The following TTC6 variants were observed in gnomAD, a reference collection of about 807,000 sequenced individuals.
TTC6 encodes tetratricopeptide repeat protein 6.
TTC6 carries 172 observed loss-of-function variants against 210.4 expected under a neutral mutation model. That is an observed-to-expected ratio of 0.82 (90% CI 0.72 to 0.93). The LOEUF (loss-of-function observed/expected upper bound fraction) is 0.93. Ranked by LOEUF, TTC6 falls within the 40% of genes least tolerant of loss-of-function variation. The probability of loss-of-function intolerance (pLI) is 0.00; values close to 1 mark genes in which losing one functional copy is unlikely to be tolerated. For missense variants in TTC6, 2,414 were observed against 2,318.1 expected, an observed-to-expected ratio of 1.04 and a Z score of -0.85; for synonymous variants, 804 against 819.6, an observed-to-expected ratio of 0.98 and a Z score of 0.32.
intron 21 of TTC6, among the ~76,000 whole-genome samples, chr14:37,805,740 C>T (rs1052756823): frequency 2.0e-5 from 3 of 151,978 alleles, no homozygotes; most frequent in East Asian, 1.9e-4. Flanking sequence ...TTCGCTCTGT[C>T]GCCAGGGTGG....
At chr14:37,809,354 G>A (rs2096125107) in intron 24 of TTC6, among the ~76,000 whole-genome samples, 1 of 146,762 alleles carries the variant, frequency 6.8e-6, no homozygotes, top group Non-Finnish European at 1.5e-5. Flanking sequence ...CCGGGTTCAC[G>A]CCATTCTCCC....
chr14:37,736,309 C>T (rs2095901500), intron 8 of TTC6, among the ~76,000 whole-genome samples: 1 of 151,990 alleles, frequency 6.6e-6, no homozygotes, highest in Admixed American at 6.6e-5. Flanking sequence ...ATGGTTTGAG[C>T]CCAGGAGATC....
At chr14:37,695,063 A>C (rs2095812157) in intron 3 of TTC6, among the ~76,000 whole-genome samples, 1 of 149,810 alleles carries the variant, frequency 6.7e-6, no homozygotes, top group South Asian at 2.1e-4. Flanking sequence ...AAAAAAAAAA[A>C]AGACAGATTC....
At chr14:37,779,030 T>C (rs888496937) in intron 14 of TTC6, among the ~76,000 whole-genome samples, 23 of 152,122 alleles carry the variant, frequency 1.5e-4, no homozygotes, top group Admixed American at 1.1e-3. Context: ...CCCCACCACC[T>C]TTCTAAGAAG....
intron 2 of TTC6, among the ~76,000 whole-genome samples, chr14:37,614,847 A>G (rs2095640164): frequency 6.6e-6 from 1 of 152,148 alleles, no homozygotes; most frequent in Non-Finnish European, 1.5e-5. Flanking sequence ...CCTGGATTCA[A>G]GAAGTTCTCT....
chr14:37,719,468 T>C (rs2095857873), intron 6 of TTC6, among the ~76,000 whole-genome samples: 1 of 152,060 alleles, frequency 6.6e-6, no homozygotes, highest in Admixed American at 6.6e-5. Context: ...TATATTACAG[T>C]CATTAAGATG....
chr14:37,600,099 G>A (rs954069410), intron 1 of TTC6, among the ~76,000 whole-genome samples: 23 of 152,190 alleles, frequency 1.5e-4, no homozygotes, highest in African/African-American at 5.3e-4. Context: ...GGCAATGCAC[G>A]CTTCACACAA....
chr14:37,609,024 A>G (rs1453583170), intron 2 of TTC6, among the ~76,000 whole-genome samples: 1 of 152,234 alleles, frequency 6.6e-6, no homozygotes, highest in Non-Finnish European at 1.5e-5. Context: ...ACATTTCCAT[A>G]TGAAGGCATT....
At chr14:37,641,625 T>A (rs2139385704) in intron 1 of TTC6, among the ~76,000 whole-genome samples, 1 of 152,336 alleles carries the variant, frequency 6.6e-6, no homozygotes, top group East Asian at 1.9e-4. Context: ...TTTGTGAGTT[T>A]TTATGAACAT....
intron 29 of TTC6, among the ~76,000 whole-genome samples, chr14:37,831,323 C>T (rs961709909): frequency 2.0e-5 from 3 of 152,136 alleles, no homozygotes; most frequent in Non-Finnish European, 2.9e-5. Context: ...ATCTATTCAC[C>T]TGCTGATGGA....
intron 1 of TTC6, among the ~76,000 whole-genome samples, chr14:37,665,312 G>A (rs1381012783): frequency 6.6e-6 from 1 of 150,664 alleles, no homozygotes; most frequent in Non-Finnish European, 1.5e-5. Flanking sequence ...GGAATACTAT[G>A]CAGCCATAAA....
exon 21 of TTC6, chr14:37,804,786 G>A (rs1448871764): frequency 1.2e-6 from 2 of 1,613,924 alleles, no homozygotes; most frequent in Non-Finnish European, 1.7e-6. Context: ...TTGGGTCTTT[G>A]TTACATGGAG....
At chr14:37,755,119 C>T (rs1248114952) in intron 14 of TTC6, among the ~76,000 whole-genome samples, 3 of 152,182 alleles carry the variant, frequency 2.0e-5, no homozygotes, top group Non-Finnish European at 4.4e-5. Context: ...GATGATATCT[C>T]ATTGTGGTTT....
chr14:37,730,892 A>G (rs906665461), intron 7 of TTC6, among the ~76,000 whole-genome samples: 3 of 152,186 alleles, frequency 2.0e-5, no homozygotes, highest in African/African-American at 4.8e-5. Flanking sequence ...CCATTCATTC[A>G]TCAGATAAAT....
intron 1 of TTC6, among the ~76,000 whole-genome samples, chr14:37,599,101 G>T (rs184079225): frequency 2.6e-5 from 4 of 152,330 alleles, no homozygotes; most frequent in Admixed American, 2.6e-4. Context: ...GGGGTCACAC[G>T]TGCGTGTGCC....
At chr14:37,760,364 C>A (rs1433563844) in intron 14 of TTC6, among the ~76,000 whole-genome samples, 1 of 152,188 alleles carries the variant, frequency 6.6e-6, no homozygotes, top group African/African-American at 2.4e-5. Flanking sequence ...CTGCTCCTTC[C>A]TCAGGAACCT....
intron 2 of TTC6, 130 bp downstream of exon 2, chr14:37,606,872 C>A: frequency 1.4e-6 from 1 of 694,598 alleles, no homozygotes; most frequent in Non-Finnish European, 1.8e-6. Context: ...CTGGTTTCTA[C>A]AGGAAAGGCT....
chr14:37,603,056 T>G (rs543217928), intron 1 of TTC6, among the ~76,000 whole-genome samples: 1 of 152,152 alleles, frequency 6.6e-6, no homozygotes, highest in Non-Finnish European at 1.5e-5. Flanking sequence ...GCTTCACAAA[T>G]TCCTGCAGGT....
In TTC6 at chr14:37,723,248, C is replaced by G. The variant is rs116303737; in HGVS notation, c.1714-1650C>G. Among the ~76,000 whole-genome samples, 415 of 152,132 alleles carry G rather than the reference C, an allele frequency of 2.7e-3. 2 individuals carry two copies. The highest frequency in any genetic ancestry group is 9.6e-3 in the African/African-American group (399 of 41,510). ...CCAGTCCTAGAATCAGCCATTTCAA[C>G]AAGGAGCCCTGGGTCTCTTTATTGG... On this transcript the variant is annotated intron_variant, in intron 6 of 30. Coordinates refer to ENST00000553443, the Ensembl canonical transcript of TTC6.
Sources: allele counts gnomAD v4.1 joint callset (sites outside exome capture counted in the v4.1 genomes callset), GRCh38; gene constraint gnomAD v4.1.1; transcripts MANE v1.5; gene names NCBI Gene and HGNC (gene_info 2026-07-23, HGNC 2026-07-21).